ARMC2: variants seen among roughly 807,000 people sequenced by gnomAD.
ARMC2 encodes the protein armadillo repeat-containing protein 2.
Under a neutral mutation model 90.3 loss-of-function variants are expected in ARMC2, and 67 were observed. That is an observed-to-expected ratio of 0.74 (90% CI 0.61 to 0.91). The LOEUF (loss-of-function observed/expected upper bound fraction) is 0.91. Among genes scored for constraint, ARMC2 ranks in the 40% least tolerant of loss-of-function variants. The pLI is 0.00. For missense variants in ARMC2, 920 were observed against 1,030.9 expected, an observed-to-expected ratio of 0.89 and a Z score of 1.47; for synonymous variants, 393 against 393.0, an observed-to-expected ratio of 1.00 and a Z score of 0.00.
At chr6:108,876,399 T>A in intron 5 of ARMC2, 49 bp downstream of exon 5, 1 of 1,533,688 alleles carries the variant, frequency 6.5e-7, no homozygotes, top group Non-Finnish European at 8.9e-7. Flanking sequence ...TGGTATCATT[T>A]ACCAGTTTCT....
chr6:108,867,660 A>G (rs1290024152), intron 3 of ARMC2, among the ~76,000 whole-genome samples: 2 of 152,058 alleles, frequency 1.3e-5, no homozygotes. Flanking sequence ...AATCCGAACT[A>G]CTTGGGAGGC....
chr6:108,970,500 T>C lies in ARMC2; in HGVS notation c.2447-2857T>C, dbSNP rs1274539475. Among the ~76,000 whole-genome samples the C allele has an allele frequency of 1.1e-3, 160 of 143,014 alleles. 1 individual carries two copies. The highest frequency in any genetic ancestry group is 2.8e-3 in the African/African-American group (109 of 39,252). The allele number at this position is 143,014 out of a possible 152,430, so 93.8% of individuals were successfully genotyped here. A position where few individuals can be genotyped will look rare whatever the true frequency, so the allele number is the denominator to read the frequency against. ...TTTCTTTTTCTTCTCTTTTCTTTTT[T>C]TTTTTTTTTTTTTTTGAGACAGAGT... is the stretch of plus-strand genomic sequence containing the variant. On this transcript the variant is annotated intron_variant, in intron 17 of 17. Transcript: ENST00000392644.
chr6:109,000,846 G>A, the ARMC2 span, among the ~76,000 whole-genome samples: 9 of 152,180 alleles, frequency 5.9e-5, no homozygotes, highest in African/African-American at 2.2e-4. Context: ...AATACTGTAA[G>A]AACCTTAGAA....
At position 108,953,425 on chromosome 6, in the gene ARMC2, T is replaced by A. The variant is rs889085598; in HGVS notation, c.1915+74T>A. The A allele has an allele frequency of 1.3e-5, 19 of 1,425,586 alleles. No individual in the cohort carries two copies. In the African/African-American group the frequency reaches 2.4e-4, roughly 18 times the overall value. The allele number at this position is 1,425,586 out of a possible 1,614,324, so 88.3% of individuals were successfully genotyped here. A position where few individuals can be genotyped will look rare whatever the true frequency, so the allele number is the denominator to read the frequency against. On this transcript the variant is annotated intron_variant, in intron 13 of 17. Transcript: ENST00000392644. ...CGGCCCAAAGACAGTTCTGTGTCTG[T>A]GGTGTGATGAGGATTTTATTATCAC... is the stretch of plus-strand genomic sequence containing the variant.
intron 12 of ARMC2, among the ~76,000 whole-genome samples, chr6:108,941,142 G>A (rs1776403976): frequency 6.6e-6 from 1 of 152,166 alleles, no homozygotes; most frequent in East Asian, 1.9e-4. Context: ...AAATAAAATT[G>A]AATATGAACA....
intron 2 of ARMC2, 132 bp from the exon 3 acceptor site, chr6:108,858,067 A>G (rs1169170086): frequency 1.8e-6 from 1 of 570,192 alleles, no homozygotes; most frequent in African/African-American, 1.9e-5. Flanking sequence ...CAATAACATG[A>G]AAAAATGTTT....
At chr6:108,907,639 G>A in intron 8 of ARMC2, 2 of 1,593,746 alleles carry the variant, frequency 1.3e-6, no homozygotes, top group South Asian at 1.1e-5. Context: ...ACTCGTGCTT[G>A]AGATGCTTGT....
the ARMC2 span, among the ~76,000 whole-genome samples, chr6:109,004,182 G>T: frequency 6.6e-6 from 1 of 151,888 alleles, no homozygotes; most frequent in Non-Finnish European, 1.5e-5. Flanking sequence ...TAGAAAAAAA[G>T]CAAAAAACAT....
intron 13 of ARMC2, among the ~76,000 whole-genome samples, chr6:108,956,432 C>T (rs904922592): frequency 4.0e-5 from 6 of 151,660 alleles, no homozygotes; most frequent in South Asian, 4.2e-4. Flanking sequence ...CACGGTGGTT[C>T]GCGCCTATAA....
At chr6:108,935,700 C>G (rs898492702) in intron 11 of ARMC2, among the ~76,000 whole-genome samples, 6 of 152,164 alleles carry the variant, frequency 3.9e-5, no homozygotes, top group Non-Finnish European at 7.3e-5. Context: ...GCCTCGGCCT[C>G]CCAAAGTGCT....
At chr6:108,960,566 A>G (rs754281610) in intron 13 of ARMC2, among the ~76,000 whole-genome samples, 1 of 152,260 alleles carries the variant, frequency 6.6e-6, no homozygotes, top group Non-Finnish European at 1.5e-5. Context: ...CAGGAAGCTG[A>G]CATTTTAGGG....
At chr6:108,897,034 A>C (rs960093212) in intron 6 of ARMC2, among the ~76,000 whole-genome samples, 1 of 152,214 alleles carries the variant, frequency 6.6e-6, no homozygotes, top group Non-Finnish European at 1.5e-5. Context: ...TATTACTTGA[A>C]TATTCATGTT....
chr6:108,979,444 C>T (rs2128523880), downstream of ARMC2, among the ~76,000 whole-genome samples: 1 of 152,180 alleles, frequency 6.6e-6, no homozygotes, highest in Non-Finnish European at 1.5e-5. Flanking sequence ...TCATTTCAAC[C>T]TTGGTGAATC....
chr6:109,009,309 G>T, the ARMC2 span: 1 of 1,427,348 alleles, frequency 7.0e-7, no homozygotes, highest in Admixed American at 2.7e-5. Flanking sequence ...TCGGCCGGGT[G>T]CCCACCCGCC....
rs1301410898 is a variant in ARMC2 at position 108,904,388 on chromosome 6, G to A, written c.1006G>A (p.Ala336Thr). 1.9e-6 allele frequency: 3 copies of A among 1,602,742 alleles called. No individual in the cohort carries two copies. The highest frequency in any genetic ancestry group is 2.5e-6 in the Non-Finnish European group (3 of 1,176,474). The change falls in exon 8 of 18, where the codon GCA (alanine) becomes ACA (threonine). Residue 336 changes from alanine (A) to threonine (T), a missense_variant. Transcript: ENST00000392644. ...VGSDSLSLKL[A>T]KIILALKVSR... ...TTCAGACTCGCTCAGCCTTAAACTT[G>A]CAAAAATAATTCTAGCAGTAAGTTT...
intron 3 of ARMC2, among the ~76,000 whole-genome samples, chr6:108,861,503 G>T (rs1018232947): frequency 6.6e-6 from 1 of 152,140 alleles, no homozygotes; most frequent in Non-Finnish European, 1.5e-5. Flanking sequence ...ATGTCCAAAT[G>T]ACCCCAATTG....
At chr6:108,989,604 T>C in the ARMC2 span, among the ~76,000 whole-genome samples, 3 of 150,906 alleles carry the variant, frequency 2.0e-5, no homozygotes, top group Middle Eastern at 3.2e-3. Flanking sequence ...TAGAGAGAGA[T>C]AGATATCTCT....
chr6:108,905,403 A>G (rs9320275), intron 8 of ARMC2, among the ~76,000 whole-genome samples: 6,963 of 152,266 alleles, frequency 0.046, 557 homozygotes, highest in African/African-American at 0.16. Context: ...CAAGAAAGCA[A>G]TACTTCTTTG....
At chr6:109,009,261 T>G in the ARMC2 span, 1 of 1,122,804 alleles carries the variant, frequency 8.9e-7, no homozygotes. Flanking sequence ...GGAGCGACTG[T>G]GAGGAGGCAA....
Sources: allele counts gnomAD v4.1 joint callset (sites outside exome capture counted in the v4.1 genomes callset), GRCh38; gene constraint gnomAD v4.1.1; transcripts MANE v1.5; gene names NCBI Gene and HGNC (gene_info 2026-07-23, HGNC 2026-07-21).